Variants in PCBP3 observed in about 807,000 individuals in gnomAD.
PCBP3 encodes poly(rC)-binding protein 3.
PCBP3 carries 25 observed loss-of-function variants against 52.7 expected under a neutral mutation model. That is an observed-to-expected ratio of 0.47 (90% CI 0.35 to 0.66). PCBP3 has a LOEUF of 0.66. Ranked by LOEUF, PCBP3 falls within the 30% of genes least tolerant of loss-of-function variation. PCBP3 has a pLI of 0.01. For synonymous variants in PCBP3, 162 were observed against 183.0 expected (o/e 0.89, Z 0.93); for missense variants, 391 against 490.3 (o/e 0.80, Z 1.91).
intron 2 of PCBP3, among the ~76,000 whole-genome samples, chr21:45,696,521 G>A (rs1294060043): frequency 2.0e-5 from 3 of 152,148 alleles, no homozygotes; most frequent in Non-Finnish European, 4.4e-5. Flanking sequence ...GGCTGGGTGC[G>A]GTGGTTCATG....
In PCBP3 at chr21:45,696,414, A is replaced by G. The variant is rs143064187; in HGVS notation, c.-200+27462A>G. Among the ~76,000 whole-genome samples, 1,059 of 152,324 alleles carry G rather than the reference A, an allele frequency of 7.0e-3. 10 individuals are homozygous for G. The highest frequency in any genetic ancestry group is 0.012 in the Non-Finnish European group (816 of 68,030). ...GAAATGTGAAAAACGGCATGCACCAAGAAAAGATGTTTGCAATACATATAT... is the reference window on the plus strand; with the variant it reads ...GAAATGTGAAAAACGGCATGCACCAGGAAAAGATGTTTGCAATACATATAT... On this transcript the variant is annotated intron_variant, in intron 2 of 17. Coordinates refer to ENST00000681687, the MANE Select transcript of PCBP3 (RefSeq NM_001384156.1).
At chr21:45,739,298 C>T (rs9975404) in intron 3 of PCBP3, among the ~76,000 whole-genome samples, 8,939 of 96,534 alleles carry the variant, frequency 0.093, 826 homozygotes, top group Middle Eastern at 0.15. Context: ...CATCAGCCCA[C>T]CCCTTCCTGT....
At chr21:45,774,007 T>C (rs2090069056) in intron 4 of PCBP3, among the ~76,000 whole-genome samples, 2 of 152,362 alleles carry the variant, frequency 1.3e-5, no homozygotes, top group East Asian at 3.9e-4. Flanking sequence ...GATTGTCTTC[T>C]TGATTTCTTT....
intron 4 of PCBP3, among the ~76,000 whole-genome samples, chr21:45,790,341 C>T (rs1603428165): frequency 6.6e-6 from 1 of 152,046 alleles, no homozygotes; most frequent in Admixed American, 6.6e-5. Flanking sequence ...GACTGCGGGG[C>T]TCTAGGCCCG....
intron 2 of PCBP3, among the ~76,000 whole-genome samples, chr21:45,734,800 T>C (rs9647229): frequency 0.2 from 30,609 of 152,160 alleles, 3,377 homozygotes; most frequent in Middle Eastern, 0.34. Context: ...GGGAGAGTCA[T>C]CCCAGTCTCA....
At chr21:45,785,013 G>A (rs1290066178) in intron 4 of PCBP3, among the ~76,000 whole-genome samples, 2 of 151,966 alleles carry the variant, frequency 1.3e-5, no homozygotes, top group East Asian at 3.9e-4. Flanking sequence ...TCTAGGAAGT[G>A]AGGAGCGTCT....
intron 2 of PCBP3, among the ~76,000 whole-genome samples, chr21:45,712,393 A>G (rs1189858053): frequency 6.6e-6 from 1 of 152,230 alleles, no homozygotes; most frequent in Non-Finnish European, 1.5e-5. Flanking sequence ...TTGCTGTTCT[A>G]CATCCTTGCA....
chr21:45,899,614 A>G lies in PCBP3; in HGVS notation c.181A>G (p.Ile61Val). ...TTTCTTGCAGGAAGTTGGAAGCATCATCGGGAAGGTAATTATTGATTGAAT... is the reference window on the plus strand; with the variant it reads ...TTTCTTGCAGGAAGTTGGAAGCATCGTCGGGAAGGTAATTATTGATTGAAT... Reference protein sequence around the residue: ...LMHGKEVGSIIGKKGETVKKM... With the variant: ...LMHGKEVGSIVGKKGETVKKM... Residue 61 changes from isoleucine to valine, a missense_variant, in exon 7 of 18, where the codon ATC (isoleucine) becomes GTC (valine). Coordinates refer to ENST00000681687, the MANE Select transcript of PCBP3 (RefSeq NM_001384156.1). 6.2e-7 allele frequency: 1 copy of G among 1,610,238 alleles called. No homozygotes were observed. The highest frequency in any genetic ancestry group is 8.5e-7 in the Non-Finnish European group (1 of 1,176,696).
chr21:45,929,531 T>C (rs2075902497), intron 13 of PCBP3, among the ~76,000 whole-genome samples: 1 of 152,226 alleles, frequency 6.6e-6, no homozygotes, highest in Non-Finnish European at 1.5e-5. Flanking sequence ...TGACTCGGCC[T>C]TGAATCTCCT....
chr21:45,874,494 C>T (rs2095169386), intron 5 of PCBP3, among the ~76,000 whole-genome samples: 1 of 149,196 alleles, frequency 6.7e-6, no homozygotes, highest in Non-Finnish European at 1.5e-5. Flanking sequence ...ATGGTATCTT[C>T]TTCTTCTTTT....
rs1402058237 is a variant in PCBP3, at chr21:45,791,213, GA to G, written c.-126+35762del. Among the ~76,000 whole-genome samples the G allele has an allele frequency of 6.6e-6, 1 of 152,218 alleles. No individual in the cohort carries two copies. Among genetic ancestry groups the G allele is most frequent in the Non-Finnish European group, 1.5e-5 (1 of 68,046 alleles). ...GAGTTTTGAAGACAGGAATCGGTAT[GA>G]GATATGCATATTTATATGTTTTTGA... On this transcript the variant is annotated intron_variant, in intron 4 of 17. Coordinates refer to ENST00000681687, the MANE Select transcript of PCBP3 (RefSeq NM_001384156.1). The surrounding 1 kb of genome is among the most constrained non-coding windows in gnomAD (Gnocchi z 4.2).
chr21:45,932,658 A>C (rs978668459), intron 15 of PCBP3, among the ~76,000 whole-genome samples: 1 of 152,022 alleles, frequency 6.6e-6, no homozygotes, highest in African/African-American at 2.4e-5. Flanking sequence ...CACAACAGTC[A>C]TGCTGTCCTG....
intron 5 of PCBP3, among the ~76,000 whole-genome samples, chr21:45,864,136 T>C (rs1040445941): frequency 6.6e-6 from 1 of 152,206 alleles, no homozygotes; most frequent in African/African-American, 2.4e-5. Flanking sequence ...AGTGTGACTC[T>C]CACCTGTGCA....
chr21:45,909,538 G>A (rs781480925), intron 10 of PCBP3, 52 bp downstream of exon 10: 28 of 1,586,116 alleles, frequency 1.8e-5, no homozygotes, highest in Admixed American at 5.1e-5. Flanking sequence ...GGCGGGCTGC[G>A]GGTGGTGGCC....
intron 14 of PCBP3, among the ~76,000 whole-genome samples, chr21:45,930,448 C>G (rs578116397): frequency 3.7e-4 from 56 of 152,318 alleles, no homozygotes; most frequent in Admixed American, 6.5e-4. Flanking sequence ...CAGCCCTGCC[C>G]CAGGAGAGCA....
At chr21:45,930,987 G>C in intron 15 of PCBP3, 142 bp downstream of exon 15, 5 of 1,229,832 alleles carry the variant, frequency 4.1e-6, no homozygotes, top group East Asian at 5.1e-5. Context: ...GCTGCCAAGG[G>C]CGTGGGTGGT....
intron 9 of PCBP3, among the ~76,000 whole-genome samples, 175 bp from the exon 10 acceptor site, chr21:45,909,180 T>A (rs2096277370): frequency 6.6e-6 from 1 of 151,908 alleles, no homozygotes; most frequent in African/African-American, 2.4e-5. Context: ...TGCCCATCCA[T>A]TTCAGCGACG....
chr21:45,854,888 A>T (rs2094208966), intron 5 of PCBP3, among the ~76,000 whole-genome samples: 1 of 152,238 alleles, frequency 6.6e-6, no homozygotes, highest in South Asian at 2.1e-4. Context: ...TGGTCTGAGA[A>T]GTAAGTAGCA....
At chr21:45,719,563 A>T (rs1388409038) in intron 2 of PCBP3, among the ~76,000 whole-genome samples, 1 of 152,026 alleles carries the variant, frequency 6.6e-6, no homozygotes, top group Non-Finnish European at 1.5e-5. Flanking sequence ...GATTTTCCCC[A>T]TGCTGTTCTC....
Sources: allele counts gnomAD v4.1 joint callset (sites outside exome capture counted in the v4.1 genomes callset), GRCh38; gene constraint gnomAD v4.1.1; non-coding constraint Gnocchi (gnomAD v3.1); transcripts MANE v1.5; gene names NCBI Gene and HGNC (gene_info 2026-07-23, HGNC 2026-07-21).